UBAC2: variants seen among roughly 807,000 people sequenced by gnomAD.
The protein encoded by UBAC2 is ubiquitin-associated domain-containing protein 2.
Under a neutral mutation model 44.0 loss-of-function variants are expected in UBAC2, and 26 were observed. The ratio of observed to expected loss-of-function variants is 0.59; its 90% confidence interval spans 0.43 to 0.82. The LOEUF (loss-of-function observed/expected upper bound fraction) is 0.82, where lower values mean the gene tolerates loss of function less well. Ranked by LOEUF, UBAC2 falls within the 40% of genes least tolerant of loss-of-function variation. The probability of loss-of-function intolerance (pLI) is 0.00; values close to 1 mark genes in which losing one functional copy is unlikely to be tolerated. For missense variants in UBAC2, 329 were observed against 419.4 expected (o/e 0.78, Z 1.88); for synonymous variants, 155 against 154.3 (o/e 1.00, Z -0.04).
intron 1 of UBAC2, among the ~76,000 whole-genome samples, chr13:99,216,059 ATTAC>A (rs2042990494): frequency 6.7e-6 from 1 of 150,204 alleles, no homozygotes; most frequent in Non-Finnish European, 1.5e-5. Flanking sequence ...TAAAATGGCA[ATTAC>A]TTTTGTACCA....
intron 4 of UBAC2, among the ~76,000 whole-genome samples, chr13:99,290,414 A>T (rs1355991425): frequency 6.6e-6 from 1 of 152,092 alleles, no homozygotes; most frequent in Non-Finnish European, 1.5e-5. Flanking sequence ...CTGGACTAGG[A>T]TGATGGTAGT....
At chr13:99,274,652 T>A (rs768978291) in intron 4 of UBAC2, among the ~76,000 whole-genome samples, 16 of 152,096 alleles carry the variant, frequency 1.1e-4, no homozygotes, top group Non-Finnish European at 2.2e-4. Context: ...TTAATGGACA[T>A]TGGGATTGTT....
At chr13:99,283,878 G>A (rs2043985961) in intron 4 of UBAC2, among the ~76,000 whole-genome samples, 1 of 151,916 alleles carries the variant, frequency 6.6e-6, no homozygotes, top group African/African-American at 2.4e-5. Context: ...GAAATTACAG[G>A]CGTGTGCCAC....
At chr13:99,213,495 G>C (rs958669152) in intron 1 of UBAC2, among the ~76,000 whole-genome samples, 5 of 151,744 alleles carry the variant, frequency 3.3e-5, no homozygotes, top group African/African-American at 1.2e-4. Flanking sequence ...CGAGTAGTTG[G>C]GATTACAGGC....
intron 1 of UBAC2, chr13:99,215,241 A>C: frequency 1.6e-6 from 1 of 644,310 alleles, no homozygotes; most frequent in South Asian, 1.8e-5. Context: ...TTAAACTTCC[A>C]ACTTGCCCAA....
At chr13:99,268,208 G>A (rs1486598619) in intron 4 of UBAC2, among the ~76,000 whole-genome samples, 3 of 152,158 alleles carry the variant, frequency 2.0e-5, no homozygotes, top group South Asian at 4.1e-4. Flanking sequence ...TGGAGATAAG[G>A]GAACAGTGGG....
At chr13:99,269,301 G>A (rs2043787600) in intron 4 of UBAC2, among the ~76,000 whole-genome samples, 1 of 152,136 alleles carries the variant, frequency 6.6e-6, no homozygotes, top group Admixed American at 6.5e-5. Flanking sequence ...TCATAAGTAG[G>A]CTTAGAGAAC....
At chr13:99,282,216 A>C (rs1285570781) in intron 4 of UBAC2, among the ~76,000 whole-genome samples, 1 of 124,042 alleles carries the variant, frequency 8.1e-6, no homozygotes, top group Non-Finnish European at 1.7e-5. Context: ...GATAATGCCA[A>C]ATGACACTTG....
chr13:99,253,123 TTATG>T (rs1165421122), intron 4 of UBAC2, among the ~76,000 whole-genome samples: 1 of 150,348 alleles, frequency 6.7e-6, no homozygotes. Flanking sequence ...TAAAGGTACT[TTATG>T]TATATAAAAT....
chr13:99,225,885 G>A lies in UBAC2; in HGVS notation c.32-12542G>A, dbSNP rs192859386. Among the ~76,000 whole-genome samples, 3 of 152,244 alleles carry A rather than the reference G, an allele frequency of 2.0e-5. No homozygotes were observed. The East Asian group carries it at 5.8e-4, about 29-fold the overall frequency. Reference sequence around the variant, plus strand: ...ACGTCTTAGAATTATATTTGGCAGCGTTTATTTTTTAGTGGCACTAAAAAT... The same window carrying A: ...ACGTCTTAGAATTATATTTGGCAGCATTTATTTTTTAGTGGCACTAAAAAT... On this transcript the variant is annotated intron_variant, in intron 1 of 8. Coordinates refer to ENST00000403766, the MANE Select transcript of UBAC2 (RefSeq NM_001144072.2).
rs2043358451 is a variant in UBAC2, at chr13:99,244,554, G to C, written c.319G>C (p.Asp107His). The C allele has an allele frequency of 6.2e-7, 1 of 1,612,960 alleles. No individual in the cohort carries two copies. Among genetic ancestry groups the C allele is most frequent in the Admixed American group, 1.7e-5 (1 of 59,966 alleles). Residue 107 changes from aspartate to histidine, a missense_variant, in exon 4 of 9, where the codon GAC becomes CAC. Physicochemically the swap from Asp to His is moderately conservative, Grantham distance 81 (BLOSUM62 -1). Transcript: ENST00000403766. ...TTCCTGGGTTTTGTCAGCCTTATTT[G>C]ACTTTCTCCTCATTGAAGCTATGCA... Reference protein sequence around the residue: ...LGSWVLSALFDFLLIEAMQYF... With the variant: ...LGSWVLSALFHFLLIEAMQYF...
intron 1 of UBAC2, among the ~76,000 whole-genome samples, chr13:99,227,741 T>C (rs2043126737): frequency 6.6e-6 from 1 of 152,246 alleles, no homozygotes; most frequent in South Asian, 2.1e-4. Context: ...AGTTTATTGC[T>C]GTGCCTCAGG....
chr13:99,311,118 A>G (rs915162014), intron 4 of UBAC2, among the ~76,000 whole-genome samples: 5 of 152,220 alleles, frequency 3.3e-5, no homozygotes, highest in African/African-American at 1.2e-4. Context: ...ACCTTACTCT[A>G]TGCCAGGCAC....
At chr13:99,214,207 T>G (rs1376450760) in intron 1 of UBAC2, among the ~76,000 whole-genome samples, 1 of 151,590 alleles carries the variant, frequency 6.6e-6, no homozygotes, top group Non-Finnish European at 1.5e-5. Flanking sequence ...ATTTTTTGCC[T>G]TGGCATCTTT....
chr13:99,337,524 A>C (rs961487796), intron 6 of UBAC2, among the ~76,000 whole-genome samples: 6 of 152,122 alleles, frequency 3.9e-5, no homozygotes, highest in African/African-American at 1.2e-4. Context: ...ATCTAGATGT[A>C]AATTTCGTTT....
intron 7 of UBAC2, among the ~76,000 whole-genome samples, chr13:99,357,919 G>A (rs2045210992): frequency 6.6e-6 from 1 of 152,158 alleles, no homozygotes; most frequent in Non-Finnish European, 1.5e-5. Flanking sequence ...ACTGTTTCTT[G>A]AGTGCTTGCA....
chr13:99,309,793 G>A (rs1485631076), intron 4 of UBAC2, among the ~76,000 whole-genome samples: 2 of 151,916 alleles, frequency 1.3e-5, no homozygotes, highest in South Asian at 2.1e-4. Context: ...GTGTGTGTGT[G>A]TGGAGACAAG....
chr13:99,362,220 A>G (rs2045274743), intron 7 of UBAC2, among the ~76,000 whole-genome samples: 1 of 152,166 alleles, frequency 6.6e-6, no homozygotes, highest in Non-Finnish European at 1.5e-5. Flanking sequence ...TAATTCATTT[A>G]TTGTAGCTGC....
rs556716062 is a variant in UBAC2 at position 99,265,598 on chromosome 13, G to C, written c.389+20974G>C. 3.4e-4 allele frequency among the ~76,000 whole-genome samples: 51 copies of C among 152,234 alleles called. No individual in the cohort carries two copies. In the South Asian group the frequency reaches 3.9e-3, roughly 12 times the overall value. ...CACTTTCACCCCTTTTCTTCTTCTT[G>C]TTCTCGTTTTGTGTGTGCCTTGTGA... On this transcript the variant is annotated intron_variant, in intron 4 of 8. Coordinates refer to ENST00000403766, the MANE Select transcript of UBAC2 (RefSeq NM_001144072.2).
Sources: allele counts gnomAD v4.1 joint callset (sites outside exome capture counted in the v4.1 genomes callset), GRCh38; gene constraint gnomAD v4.1.1; transcripts MANE v1.5; gene names NCBI Gene and HGNC (gene_info 2026-07-23, HGNC 2026-07-21).